The following UBE2E2 variants were observed in gnomAD, a reference collection of about 807,000 sequenced individuals.
UBE2E2 encodes the protein ubiquitin conjugating enzyme E2 E2.
Under a neutral mutation model 24.7 loss-of-function variants are expected in UBE2E2, and 6 were observed. The observed-to-expected ratio is 0.24, with a 90% confidence interval of 0.13 to 0.48. The LOEUF (loss-of-function observed/expected upper bound fraction) is 0.48. Among genes scored for constraint, UBE2E2 ranks in the 20% least tolerant of loss-of-function variants. The pLI, the probability that UBE2E2 is intolerant of heterozygous loss-of-function variation, is 0.99. For synonymous variants in UBE2E2, 104 were observed against 83.6 expected (o/e 1.24, Z -1.33); for missense variants, 169 against 245.0 (o/e 0.69, Z 2.07).
At chr3:23,299,390 A>G (rs888609258) in intron 3 of UBE2E2, among the ~76,000 whole-genome samples, 4 of 151,716 alleles carry the variant, frequency 2.6e-5, no homozygotes, top group African/African-American at 4.8e-5. Context: ...TGTCAATTTT[A>G]GATCTTTCCT....
chr3:23,396,725 A>G (rs1220908465), intron 3 of UBE2E2, among the ~76,000 whole-genome samples: 2 of 152,170 alleles, frequency 1.3e-5, no homozygotes, highest in African/African-American at 4.8e-5. Flanking sequence ...CATAGGAGTA[A>G]ATAACATAAT....
intron 5 of UBE2E2, among the ~76,000 whole-genome samples, chr3:23,545,412 C>T (rs1695499116): frequency 6.6e-6 from 1 of 152,212 alleles, no homozygotes; most frequent in South Asian, 2.1e-4. Flanking sequence ...CTTCAAGCAT[C>T]TGTTTAACAA....
chr3:23,581,616 A>G (rs996538329), intron 5 of UBE2E2, among the ~76,000 whole-genome samples: 1 of 152,328 alleles, frequency 6.6e-6, no homozygotes, highest in Admixed American at 6.5e-5. Flanking sequence ...TCCCAAGGTG[A>G]CCTGACTCCG....
chr3:23,515,153 GTACATATATATAGAGAGAGAGATACA>G (rs1694700569), intron 4 of UBE2E2, among the ~76,000 whole-genome samples: 1 of 135,886 alleles, frequency 7.4e-6, no homozygotes, highest in Non-Finnish European at 1.6e-5. Flanking sequence ...GTGTGTGTGT[GTACATATATATAGAGAGAGAGATACA>G]TACATATGTA....
At chr3:23,276,971 A>C (rs1698386940) in intron 3 of UBE2E2, among the ~76,000 whole-genome samples, 1 of 152,144 alleles carries the variant, frequency 6.6e-6, no homozygotes, top group Admixed American at 6.5e-5. Context: ...AAAACAAAAA[A>C]ATGTGAGCTA....
rs554806889 is a variant in UBE2E2 at position 23,415,939 on chromosome 3, C to T, written c.228-83669C>T. Among the ~76,000 whole-genome samples the T allele has an allele frequency of 5.3e-5, 8 of 152,142 alleles. No homozygotes were observed. In the South Asian group the frequency reaches 1.7e-3, roughly 32 times the overall value. On this transcript the variant is annotated intron_variant, in intron 3 of 5. Coordinates refer to ENST00000396703, the MANE Select transcript of UBE2E2 (RefSeq NM_152653.4). ...GCCCCAGTGTGTGATGTTCCCCTCC[C>T]TGTGTCCATGTGTTCTCATTGTTCA...
intron 3 of UBE2E2, among the ~76,000 whole-genome samples, chr3:23,460,824 T>C (rs576719350): frequency 1.8e-4 from 28 of 152,340 alleles, no homozygotes; most frequent in Admixed American, 1.8e-3. Flanking sequence ...ATCATTGTTA[T>C]TTTATTGATT....
intron 3 of UBE2E2, among the ~76,000 whole-genome samples, chr3:23,445,909 G>A (rs959855311): frequency 6.6e-6 from 1 of 152,124 alleles, no homozygotes; most frequent in African/African-American, 2.4e-5. Flanking sequence ...GAACCCCAAG[G>A]ATCAGCATTG....
chr3:23,335,642 A>C (rs4858068), intron 3 of UBE2E2, among the ~76,000 whole-genome samples: 130,769 of 152,134 alleles, frequency 0.86, 56,497 homozygotes, highest in African/African-American at 0.96. Flanking sequence ...TCAAGTGATC[A>C]TCCCACCTCA....
At chr3:23,288,565 A>G (rs1413625959) in intron 3 of UBE2E2, among the ~76,000 whole-genome samples, 1 of 152,174 alleles carries the variant, frequency 6.6e-6, no homozygotes, top group Non-Finnish European at 1.5e-5. Flanking sequence ...CTTTAGCTCA[A>G]CAATATTTGC....
intron 4 of UBE2E2, among the ~76,000 whole-genome samples, chr3:23,526,409 AAAC>A (rs1480127309): frequency 6.6e-6 from 1 of 152,176 alleles, no homozygotes; most frequent in Non-Finnish European, 1.5e-5. Flanking sequence ...TTTACCTAAA[AAAC>A]AATAAGAGGT....
intron 5 of UBE2E2, among the ~76,000 whole-genome samples, chr3:23,554,625 G>C (rs572661144): frequency 6.6e-6 from 1 of 152,090 alleles, no homozygotes; most frequent in South Asian, 2.1e-4. Flanking sequence ...AAAACTCCTC[G>C]AAGAAAACGT....
At chr3:23,316,727 G>A (rs574845535) in intron 3 of UBE2E2, among the ~76,000 whole-genome samples, 1 of 152,060 alleles carries the variant, frequency 6.6e-6, no homozygotes, top group Non-Finnish European at 1.5e-5. Flanking sequence ...ATGGTGGCAC[G>A]CCTCAGAGTC....
At chr3:23,257,578 C>T (rs1462015093) in intron 3 of UBE2E2, among the ~76,000 whole-genome samples, 1 of 117,586 alleles carries the variant, frequency 8.5e-6, no homozygotes, top group Non-Finnish European at 1.6e-5. Flanking sequence ...CTCATGAGGC[C>T]CAGACTGGAC....
intron 5 of UBE2E2, among the ~76,000 whole-genome samples, chr3:23,545,735 G>A (rs182164937): frequency 3.3e-5 from 5 of 152,138 alleles, no homozygotes; most frequent in Non-Finnish European, 5.9e-5. Flanking sequence ...CAGCGCAATT[G>A]ACAATCGCAA....
At chr3:23,398,731 C>T (rs965397847) in intron 3 of UBE2E2, among the ~76,000 whole-genome samples, 2 of 152,108 alleles carry the variant, frequency 1.3e-5, no homozygotes, top group Admixed American at 1.3e-4. Context: ...CTGGAAATTT[C>T]AAGAAATTCG....
chr3:23,454,360 G>C (rs947504847), intron 3 of UBE2E2, among the ~76,000 whole-genome samples: 1 of 152,112 alleles, frequency 6.6e-6, no homozygotes. Flanking sequence ...ATTTTAAAAG[G>C]TGCCACCCAT....
intron 4 of UBE2E2, among the ~76,000 whole-genome samples, chr3:23,517,574 A>G (rs200917395): frequency 1.3e-5 from 2 of 152,206 alleles, no homozygotes; most frequent in East Asian, 3.8e-4. Context: ...ATACATGTCA[A>G]TATCCTCTTT....
intron 3 of UBE2E2, among the ~76,000 whole-genome samples, chr3:23,362,856 G>T (rs541902200): frequency 1.9e-4 from 29 of 152,292 alleles, no homozygotes; most frequent in Non-Finnish European, 3.5e-4. Flanking sequence ...CAGGAAGAAG[G>T]TGCAGCCTAC....
Sources: allele counts gnomAD v4.1 joint callset (sites outside exome capture counted in the v4.1 genomes callset), GRCh38; gene constraint gnomAD v4.1.1; transcripts MANE v1.5; gene names NCBI Gene and HGNC (gene_info 2026-07-23, HGNC 2026-07-21).